Variants in CTNND2 observed in about 807,000 individuals in gnomAD.
The protein encoded by CTNND2 is catenin delta 2.
A neutral mutation model predicts 144.4 loss-of-function variants in CTNND2; 22 were observed. That is an observed-to-expected ratio of 0.15 (90% CI 0.11 to 0.22). The LOEUF (loss-of-function observed/expected upper bound fraction) is 0.22, where lower values mean the gene tolerates loss of function less well. Ranked by LOEUF, CTNND2 falls within the 10% of genes least tolerant of loss-of-function variation. The pLI, the probability that CTNND2 is intolerant of heterozygous loss-of-function variation, is 1.00. For synonymous variants in CTNND2, 751 were observed against 695.6 expected (o/e 1.08, Z -1.25); for missense variants, 1,353 against 1,618.8 (o/e 0.84, Z 2.82).
At chr5:11,220,696 G>A (rs1245659889) in intron 10 of CTNND2, among the ~76,000 whole-genome samples, 1 of 152,118 alleles carries the variant, frequency 6.6e-6, no homozygotes. Flanking sequence ...CTACTGGAAC[G>A]CTCTTTGCCC....
intron 2 of CTNND2, among the ~76,000 whole-genome samples, chr5:11,567,723 T>G (rs561721814): frequency 6.6e-6 from 1 of 152,222 alleles, no homozygotes; most frequent in East Asian, 1.9e-4. Flanking sequence ...TTTATTTAAC[T>G]TTTTGCACAT....
intron 15 of CTNND2, chr5:11,084,005 G>T (rs1749876766): frequency 1.0e-6 from 1 of 997,916 alleles, no homozygotes; most frequent in South Asian, 2.7e-5. Flanking sequence ...TCCTACATTA[G>T]AAATCACATT....
intron 9 of CTNND2, among the ~76,000 whole-genome samples, chr5:11,284,284 T>C (rs986661896): frequency 6.6e-6 from 1 of 152,154 alleles, no homozygotes; most frequent in Non-Finnish European, 1.5e-5. Flanking sequence ...TTTTATTTTT[T>C]TAAGTTCCAG....
chr5:11,487,088 G>T (rs1768902750), intron 3 of CTNND2, among the ~76,000 whole-genome samples: 1 of 152,112 alleles, frequency 6.6e-6, no homozygotes, highest in Admixed American at 6.5e-5. Flanking sequence ...GTATTGGTAA[G>T]ATTTTATTTT....
At chr5:11,816,533 A>G (rs2126921117) in intron 1 of CTNND2, among the ~76,000 whole-genome samples, 1 of 149,132 alleles carries the variant, frequency 6.7e-6, no homozygotes, top group Admixed American at 6.7e-5. Context: ...GTGTTAGCAT[A>G]ACGGTTTTTC....
At chr5:11,662,197 G>A (rs1289265494) in intron 2 of CTNND2, among the ~76,000 whole-genome samples, 3 of 130,112 alleles carry the variant, frequency 2.3e-5, no homozygotes, top group Non-Finnish European at 4.9e-5. Context: ...GTATATATGT[G>A]TATATATGTA....
chr5:11,388,426 C>G (rs11742682), intron 6 of CTNND2, among the ~76,000 whole-genome samples: 63,599 of 152,032 alleles, frequency 0.42, 13,481 homozygotes, highest in Middle Eastern at 0.48. Flanking sequence ...TCAGTACATA[C>G]TTAACTTTAA....
At chr5:11,407,002 GA>G (rs1761151656) in intron 5 of CTNND2, among the ~76,000 whole-genome samples, 2 of 140,098 alleles carry the variant, frequency 1.4e-5, no homozygotes, top group Admixed American at 1.3e-4. Context: ...TTAAACATAC[GA>G]GTTATTTTTT....
intron 1 of CTNND2, among the ~76,000 whole-genome samples, chr5:11,787,866 C>G (rs1790917066): frequency 6.6e-6 from 1 of 152,134 alleles, no homozygotes; most frequent in African/African-American, 2.4e-5. Flanking sequence ...TCTTAATGTA[C>G]TTTTCCTTAG....
At chr5:11,408,386 A>C (rs892004819) in intron 5 of CTNND2, among the ~76,000 whole-genome samples, 4 of 152,156 alleles carry the variant, frequency 2.6e-5, no homozygotes, top group Non-Finnish European at 4.4e-5. Context: ...GTTTTTACTC[A>C]GTTACTTCAG....
intron 2 of CTNND2, among the ~76,000 whole-genome samples, chr5:11,635,096 T>C (rs370845414): frequency 3.3e-4 from 50 of 152,176 alleles, no homozygotes; most frequent in African/African-American, 1.2e-3. Context: ...AAGATTTTTT[T>C]TTTCCTCTGT....
At chr5:11,160,124 T>C (rs1758627259) in intron 11 of CTNND2, among the ~76,000 whole-genome samples, 3 of 152,192 alleles carry the variant, frequency 2.0e-5, no homozygotes, top group Admixed American at 2.0e-4. Context: ...TTATTTGAAA[T>C]GGACTAGTAG....
At chr5:11,342,282 G>A (rs1754355594) in intron 9 of CTNND2, among the ~76,000 whole-genome samples, 1 of 152,182 alleles carries the variant, frequency 6.6e-6, no homozygotes. Flanking sequence ...ACAAAATATA[G>A]TGGAAATGTA....
chr5:10,983,067 AG>A (rs1453596915), intron 20 of CTNND2, among the ~76,000 whole-genome samples: 1 of 152,206 alleles, frequency 6.6e-6, no homozygotes, highest in Non-Finnish European at 1.5e-5. Flanking sequence ...CAGTTAGAAG[AG>A]AAAAGATCTA....
At position 11,521,809 on chromosome 5, in the gene CTNND2, G is replaced by A. The variant is rs183811862; in HGVS notation, c.287+43135C>T. Among the ~76,000 whole-genome samples, 372 of 152,248 alleles carry A rather than the reference G, an allele frequency of 2.4e-3. 2 individuals carry two copies. The highest frequency in any genetic ancestry group is 8.5e-3 in the African/African-American group (352 of 41,540). On this transcript the variant is annotated intron_variant, in intron 3 of 21. Coordinates refer to ENST00000304623, the MANE Select transcript of CTNND2 (RefSeq NM_001332.4). ...CTCGTTGAGTGAATGATGCATAGCC[G>A]ATGTTAAACATCCATTAGGAAATAA...
chr5:11,374,704 C>A (rs1757754517), intron 7 of CTNND2, among the ~76,000 whole-genome samples: 1 of 151,578 alleles, frequency 6.6e-6, no homozygotes, highest in South Asian at 2.1e-4. Context: ...GTCTGGCTTC[C>A]AGACCTCATT....
At chr5:11,333,104 A>G (rs1753347575) in intron 9 of CTNND2, among the ~76,000 whole-genome samples, 1 of 152,192 alleles carries the variant, frequency 6.6e-6, no homozygotes, top group Non-Finnish European at 1.5e-5. Flanking sequence ...TATTTTACTT[A>G]GCATGATGTC....
chr5:11,750,461 G>C (rs1038841618), intron 1 of CTNND2, among the ~76,000 whole-genome samples: 1 of 151,904 alleles, frequency 6.6e-6, no homozygotes, highest in Non-Finnish European at 1.5e-5. Flanking sequence ...GGTATTGTTT[G>C]TTACTTTGGC....
chr5:11,115,148 T>C (rs1753416002), intron 13 of CTNND2, among the ~76,000 whole-genome samples: 1 of 152,196 alleles, frequency 6.6e-6, no homozygotes, highest in Non-Finnish European at 1.5e-5. Flanking sequence ...CCCTGAATAC[T>C]CCCAATTATT....
Sources: gnomAD v4.1 joint callset for allele counts (sites outside exome capture counted in the v4.1 genomes callset) on GRCh38, gnomAD v4.1.1 for gene constraint, MANE v1.5 for transcripts, NCBI Gene and HGNC (gene_info 2026-07-23, HGNC 2026-07-21) for gene names.